The following TMEM135 variants were observed in gnomAD, a reference collection of about 807,000 sequenced individuals.
TMEM135 encodes the protein transmembrane protein 135.
TMEM135 carries 30 observed loss-of-function variants against 60.3 expected under a neutral mutation model. The observed-to-expected ratio is 0.50, with a 90% CI of 0.37 to 0.68. The LOEUF (loss-of-function observed/expected upper bound fraction) is 0.68, where lower values mean the gene tolerates loss of function less well. Among genes scored for constraint, TMEM135 ranks in the 30% least tolerant of loss-of-function variants. The pLI is 0.00. For missense variants in TMEM135, 468 were observed against 548.8 expected (o/e 0.85, Z 1.47); for synonymous variants, 190 against 186.7 (o/e 1.02, Z -0.14).
At chr11:87,184,242 A>T (rs1041363090) in intron 5 of TMEM135, among the ~76,000 whole-genome samples, 3 of 152,326 alleles carry the variant, frequency 2.0e-5, no homozygotes, top group African/African-American at 7.2e-5. Context: ...TGAATATCAC[A>T]TATTTATTGC....
At chr11:87,072,115 T>TC (rs1856783280) in intron 3 of TMEM135, among the ~76,000 whole-genome samples, 1 of 152,004 alleles carries the variant, frequency 6.6e-6, no homozygotes, top group African/African-American at 2.4e-5. Flanking sequence ...ATCACCCGAG[T>TC]CCCCAGAGGT....
At chr11:87,217,974 G>T (rs116642794) in intron 5 of TMEM135, among the ~76,000 whole-genome samples, 4,589 of 152,206 alleles carry the variant, frequency 0.03, 212 homozygotes, top group African/African-American at 0.1. Flanking sequence ...AAGATTGTAT[G>T]AGTGTTCCAA....
At chr11:87,068,454 T>A (rs1031408080) in intron 2 of TMEM135, among the ~76,000 whole-genome samples, 4 of 152,344 alleles carry the variant, frequency 2.6e-5, no homozygotes, top group Admixed American at 6.5e-5. Flanking sequence ...ATTTATTTTT[T>A]AAAATACTTT....
At chr11:87,145,688 A>ATT (rs35881264) in intron 4 of TMEM135, among the ~76,000 whole-genome samples, 21 of 150,734 alleles carry the variant, frequency 1.4e-4, no homozygotes, top group African/African-American at 3.7e-4. Flanking sequence ...TCTGATGTTG[A>ATT]TTTTTTTTTC....
intron 5 of TMEM135, among the ~76,000 whole-genome samples, chr11:87,220,530 C>G (rs188778017): frequency 6.6e-6 from 1 of 152,268 alleles, no homozygotes; most frequent in African/African-American, 2.4e-5. Flanking sequence ...TCCAGATCTT[C>G]CTGGCATGAC....
At chr11:87,144,689 G>C (rs181040851) in intron 4 of TMEM135, among the ~76,000 whole-genome samples, 21 of 146,654 alleles carry the variant, frequency 1.4e-4, no homozygotes, top group Admixed American at 9.7e-4. Context: ...ATGTTTTACT[G>C]TATGTACTTT....
intron 3 of TMEM135, among the ~76,000 whole-genome samples, chr11:87,077,497 T>A (rs1342244699): frequency 6.6e-6 from 1 of 152,252 alleles, no homozygotes; most frequent in African/African-American, 2.4e-5. Flanking sequence ...TCAGTTTTTA[T>A]AATTTGCAGA....
rs772040848 is a variant in TMEM135, at chr11:87,142,871, T to G, written c.397-14470T>G. 4.3e-4 allele frequency among the ~76,000 whole-genome samples: 65 copies of G among 152,074 alleles called. No individual in the cohort carries two copies. In the Middle Eastern group the frequency reaches 0.014, roughly 32 times the overall value. On this transcript the variant is annotated intron_variant, in intron 4 of 14. Coordinates refer to ENST00000305494, the MANE Select transcript of TMEM135 (RefSeq NM_022918.4). ...TTTCTTCCTCTTTTTTTCTTCAACA[T>G]TCAGAAGGTTTTTGACAATCATTTC...
intron 13 of TMEM135, among the ~76,000 whole-genome samples, chr11:87,318,556 AAAG>A (rs1942770152): frequency 1.3e-5 from 2 of 152,104 alleles, no homozygotes; most frequent in Admixed American, 1.3e-4. Flanking sequence ...ATTAAAAAAA[AAAG>A]GATAATAGGG....
intron 4 of TMEM135, among the ~76,000 whole-genome samples, chr11:87,098,999 A>G (rs1857393208): frequency 6.6e-6 from 1 of 151,796 alleles, no homozygotes; most frequent in Non-Finnish European, 1.5e-5. Flanking sequence ...AATATCTTAA[A>G]TTTTCTTAAT....
intron 4 of TMEM135, among the ~76,000 whole-genome samples, chr11:87,100,781 G>A (rs972479556): frequency 2.6e-5 from 4 of 152,074 alleles, no homozygotes; most frequent in Non-Finnish European, 5.9e-5. Context: ...AGAATCGCTT[G>A]AACCCAGGAG....
intron 7 of TMEM135, among the ~76,000 whole-genome samples, chr11:87,300,885 C>T (rs1348526041): frequency 6.6e-6 from 1 of 152,154 alleles, no homozygotes; most frequent in Non-Finnish European, 1.5e-5. Context: ...CCAGCTTCTC[C>T]AAGGAAGTGA....
intron 6 of TMEM135, among the ~76,000 whole-genome samples, chr11:87,263,220 G>A (rs187906795): frequency 6.6e-6 from 1 of 152,222 alleles, no homozygotes; most frequent in East Asian, 1.9e-4. Context: ...TATTTACAGA[G>A]AAAATAAGGA....
intron 5 of TMEM135, among the ~76,000 whole-genome samples, chr11:87,214,735 C>T (rs1189936770): frequency 6.6e-6 from 1 of 152,100 alleles, no homozygotes; most frequent in Non-Finnish European, 1.5e-5. Context: ...AAAACTGAAG[C>T]TATGGTTGAC....
At chr11:87,276,768 C>T (rs1054217826) in intron 6 of TMEM135, among the ~76,000 whole-genome samples, 6 of 145,758 alleles carry the variant, frequency 4.1e-5, no homozygotes, top group Admixed American at 3.6e-4. Context: ...TCCCGGGTTC[C>T]AGTGATTCTC....
intron 1 of TMEM135, among the ~76,000 whole-genome samples, chr11:87,055,837 G>A (rs1484382008): frequency 1.3e-5 from 2 of 152,034 alleles, no homozygotes; most frequent in African/African-American, 4.8e-5. Flanking sequence ...TGATCCACCC[G>A]CCTCTGTTAC....
chr11:87,109,034 G>A (rs1222885224), intron 4 of TMEM135, among the ~76,000 whole-genome samples: 1 of 152,190 alleles, frequency 6.6e-6, no homozygotes, highest in African/African-American at 2.4e-5. Context: ...CAGGTATGTG[G>A]TGGGAGAGTA....
At chr11:87,119,238 A>G (rs1857977745) in intron 4 of TMEM135, among the ~76,000 whole-genome samples, 1 of 152,190 alleles carries the variant, frequency 6.6e-6, no homozygotes, top group Non-Finnish European at 1.5e-5. Flanking sequence ...TAATTGGCCT[A>G]ATTTCAATAT....
At chr11:87,043,575 T>G (rs1949769100) in intron 1 of TMEM135, among the ~76,000 whole-genome samples, 1 of 151,838 alleles carries the variant, frequency 6.6e-6, no homozygotes, top group Non-Finnish European at 1.5e-5. Flanking sequence ...ATACAAAAAT[T>G]AGCTGGGCAT....
Sources: allele counts gnomAD v4.1 joint callset (sites outside exome capture counted in the v4.1 genomes callset), GRCh38; gene constraint gnomAD v4.1.1; transcripts MANE v1.5; gene names NCBI Gene and HGNC (gene_info 2026-07-23, HGNC 2026-07-21).